TFDP2: variants seen among roughly 807,000 people sequenced by gnomAD.
TFDP2 encodes the protein transcription factor Dp-2 (E2F dimerization partner 2).
A neutral mutation model predicts 59.3 loss-of-function variants in TFDP2; 17 were observed. That is an observed-to-expected ratio of 0.29 (90% confidence interval 0.20 to 0.43). The LOEUF is 0.43. Among genes scored for constraint, TFDP2 ranks in the 20% least tolerant of loss-of-function variants. TFDP2 has a pLI of 1.00. For missense variants in TFDP2, 391 were observed against 528.8 expected, an observed-to-expected ratio of 0.74 and a Z score of 2.56; for synonymous variants, 180 against 194.7, an observed-to-expected ratio of 0.92 and a Z score of 0.63.
At chr3:142,010,544 G>C (rs1352761501) in intron 3 of TFDP2, among the ~76,000 whole-genome samples, 5 of 150,874 alleles carry the variant, frequency 3.3e-5, no homozygotes, top group Non-Finnish European at 7.4e-5. Context: ...GGGAGGCAGA[G>C]GTTGCAGTGA....
intron 3 of TFDP2, among the ~76,000 whole-genome samples, chr3:142,067,178 T>C (rs2060099422): frequency 6.6e-6 from 1 of 152,144 alleles, no homozygotes; most frequent in Admixed American, 6.6e-5. Flanking sequence ...AGCAATTATA[T>C]ATCTATATGT....
chr3:141,979,740 C>G (rs1340397983), intron 6 of TFDP2, among the ~76,000 whole-genome samples: 1 of 152,062 alleles, frequency 6.6e-6, no homozygotes, highest in Non-Finnish European at 1.5e-5. Context: ...AGGTGTGCAC[C>G]ACCACACCTG....
intron 3 of TFDP2, among the ~76,000 whole-genome samples, chr3:142,032,039 C>A (rs986340565): frequency 1.3e-5 from 2 of 152,096 alleles, no homozygotes; most frequent in Non-Finnish European, 2.9e-5. Context: ...GTAAATATTT[C>A]ATATTTCCTG....
chr3:142,065,153 G>T (rs1404125457), intron 3 of TFDP2, among the ~76,000 whole-genome samples: 2 of 36,904 alleles, frequency 5.4e-5, no homozygotes, highest in African/African-American at 5.5e-4. Context: ...AGATCATTAA[G>T]ATTTTTTTTT....
chr3:142,014,739 C>A (rs1424600469), intron 3 of TFDP2, among the ~76,000 whole-genome samples: 1 of 152,146 alleles, frequency 6.6e-6, no homozygotes, highest in East Asian at 1.9e-4. Context: ...CAGTCTCCTG[C>A]ATCATCACAA....
chr3:142,035,802 A>G (rs185616188), intron 3 of TFDP2, among the ~76,000 whole-genome samples: 1 of 152,202 alleles, frequency 6.6e-6, no homozygotes, highest in African/African-American at 2.4e-5. Context: ...TGCCATACAC[A>G]TAAGACATGA....
intron 7 of TFDP2, among the ~76,000 whole-genome samples, chr3:141,976,015 G>A (rs1283048844): frequency 6.6e-6 from 1 of 151,716 alleles, no homozygotes; most frequent in Non-Finnish European, 1.5e-5. Flanking sequence ...CGAGTAGTTG[G>A]GATTACAGGC....
intron 1 of TFDP2, among the ~76,000 whole-genome samples, chr3:142,109,021 T>C (rs2061564670): frequency 6.6e-6 from 1 of 152,214 alleles, no homozygotes; most frequent in Non-Finnish European, 1.5e-5. Context: ...CTTTCTCCTT[T>C]AATAGTACAC....
intron 3 of TFDP2, among the ~76,000 whole-genome samples, chr3:142,020,194 G>C (rs963028381): frequency 6.6e-6 from 1 of 152,122 alleles, no homozygotes; most frequent in Non-Finnish European, 1.5e-5. Context: ...GTAGACTAGG[G>C]AGAAAGGATA....
chr3:141,965,151 G>A (rs1576476734), intron 9 of TFDP2, among the ~76,000 whole-genome samples: 1 of 149,956 alleles, frequency 6.7e-6, no homozygotes, highest in East Asian at 1.9e-4. Context: ...TGCAGTTCAA[G>A]TTTTTCATCT....
intron 1 of TFDP2, among the ~76,000 whole-genome samples, chr3:142,133,933 G>C (rs1038866957): frequency 6.6e-6 from 1 of 151,728 alleles, no homozygotes; most frequent in African/African-American, 2.4e-5. Flanking sequence ...GCTCACAACT[G>C]TAAGGCAGAA....
intron 9 of TFDP2, among the ~76,000 whole-genome samples, chr3:141,968,678 TC>T (rs1459167986): frequency 2.8e-5 from 3 of 106,114 alleles, no homozygotes; most frequent in Admixed American, 1.2e-4. Flanking sequence ...CATATATATC[TC>T]ATATATAGAT....
At chr3:142,149,052 T>C (rs1471785259) in intron 1 of TFDP2, 131 bp downstream of exon 1, 1 of 392,436 alleles carries the variant, frequency 2.5e-6, no homozygotes, top group African/African-American at 2.1e-5. Context: ...AGAACCCAGG[T>C]CTAAACAGAT....
At chr3:142,023,389 C>T (rs1945819230) in intron 3 of TFDP2, among the ~76,000 whole-genome samples, 2 of 151,332 alleles carry the variant, frequency 1.3e-5, no homozygotes, top group Admixed American at 6.6e-5. Context: ...CAGGGTTTCG[C>T]CATGTTGTCC....
intron 1 of TFDP2, among the ~76,000 whole-genome samples, chr3:142,106,547 G>T (rs2061479154): frequency 6.6e-6 from 1 of 152,162 alleles, no homozygotes; most frequent in Admixed American, 6.5e-5. Context: ...GCACAGAAAG[G>T]TTCAAGAAGT....
In TFDP2 at chr3:141,974,099, G is replaced by T; in HGVS notation, c.612C>A (p.Ile204=). The change falls in exon 8 of 13, where the codon ATC becomes ATA. Residue 204 remains isoleucine, a synonymous_variant. Coordinates refer to ENST00000489671, the MANE Select transcript of TFDP2 (RefSeq NM_001178139.2). ...AATTGGTAGGCAGGCCAATCCACTTGATTTCTTTTTTTTCCTTTGAAATTA... is the reference window on the plus strand; with the variant it reads ...AATTGGTAGGCAGGCCAATCCACTTTATTTCTTTTTTTTCCTTTGAAATTA... ...MNIISKEKKE[I]KWIGLPTNSA... 6.2e-7 allele frequency: 1 copy of T among 1,612,820 alleles called. No homozygotes were observed. Among genetic ancestry groups the T allele is most frequent in the Non-Finnish European group, 8.5e-7 (1 of 1,179,526 alleles).
chr3:142,038,303 G>A (rs1036372923), intron 3 of TFDP2, among the ~76,000 whole-genome samples: 14 of 144,570 alleles, frequency 9.7e-5, no homozygotes, highest in South Asian at 2.2e-4. Context: ...AGAATGGCGT[G>A]AACCCGGGAG....
chr3:141,998,731 T>C (rs1311096546), intron 4 of TFDP2, among the ~76,000 whole-genome samples: 1 of 152,126 alleles, frequency 6.6e-6, no homozygotes, highest in Admixed American at 6.5e-5. Context: ...CTACCAAAAA[T>C]CCAGACATCC....
intron 4 of TFDP2, among the ~76,000 whole-genome samples, chr3:142,004,031 A>G (rs536786885): frequency 6.6e-6 from 1 of 152,316 alleles, no homozygotes; most frequent in East Asian, 1.9e-4. Context: ...CAAAATGCAG[A>G]TTTTTAAGTC....
Sources: gnomAD v4.1 joint callset for allele counts (sites outside exome capture counted in the v4.1 genomes callset) on GRCh38, gnomAD v4.1.1 for gene constraint, MANE v1.5 for transcripts, NCBI Gene and HGNC (gene_info 2026-07-23, HGNC 2026-07-21) for gene names.